Variants in TBC1D4 observed in about 807,000 individuals in gnomAD.
The protein encoded by TBC1D4 is TBC1 domain family member 4.
In TBC1D4, 121 loss-of-function variants were observed where a neutral mutation model predicts 142.5. The ratio of observed to expected loss-of-function variants is 0.85; its 90% CI spans 0.73 to 0.99. The LOEUF (loss-of-function observed/expected upper bound fraction) is 0.99, where lower values mean the gene tolerates loss of function less well. TBC1D4 is among the 50% of genes least tolerant of loss of function. The pLI is 0.00. For synonymous variants in TBC1D4, 630 were observed against 628.2 expected (o/e 1.00, Z -0.04); for missense variants, 1,475 against 1,606.6 (o/e 0.92, Z 1.40).
At chr13:75,289,279 T>C (rs1448300421) in intron 19 of TBC1D4, among the ~76,000 whole-genome samples, 169 bp from the exon 20 acceptor site, 1 of 152,140 alleles carries the variant, frequency 6.6e-6, no homozygotes, top group Non-Finnish European at 1.5e-5. Context: ...ATAAATTAGA[T>C]ATAGTTTACA....
rs532664 is a variant in TBC1D4 at position 75,286,451 on chromosome 13, T to A, written c.*341A>T. ...GATTTCACATATGTCCAAGGGAAAT[T>A]TCAGTTTACCTTTCCTTTGGTGTGG... On this transcript the variant is annotated 3_prime_UTR_variant, in exon 21 of 21. Coordinates refer to ENST00000377636, the MANE Select transcript of TBC1D4 (RefSeq NM_014832.5). 0.12 allele frequency: 23,696 copies of A among 199,582 alleles called. 5,179 individuals carry two copies. Among genetic ancestry groups the A allele is most frequent in the African/African-American group, 0.48 (20,592 of 42,738 alleles). 12.4% of individuals were successfully genotyped at this position (199,582 alleles called of 1,614,324 possible). A position where few individuals can be genotyped will look rare whatever the true frequency, so the allele number is the denominator to read the frequency against.
chr13:75,448,387 G>A (rs1367428673), intron 1 of TBC1D4, among the ~76,000 whole-genome samples: 2 of 151,980 alleles, frequency 1.3e-5, no homozygotes, highest in African/African-American at 2.4e-5. Context: ...GACCAACATG[G>A]AGAAACCCTG....
In TBC1D4 at chr13:75,288,931, T is replaced by C; in HGVS notation, c.3663+3A>G. The C allele has an allele frequency of 6.2e-7, 1 of 1,613,668 alleles. No individual in the cohort carries two copies. Among genetic ancestry groups the C allele is most frequent in the South Asian group, 1.1e-5 (1 of 91,082 alleles). ...TTATTTGCTCAAATCTTTATTTCTT[T>C]ACCTGTAATTTTTCTAGGAGGTCCA... On this transcript the variant is annotated splice_donor_region_variant and intron_variant, in intron 20 of 20. Transcript: ENST00000377636.
At chr13:75,429,547 A>G (rs1387803261) in intron 1 of TBC1D4, among the ~76,000 whole-genome samples, 1 of 152,218 alleles carries the variant, frequency 6.6e-6, no homozygotes, top group Non-Finnish European at 1.5e-5. Context: ...CCAGGCATTT[A>G]TATTGTTGTC....
chr13:75,375,230 G>A (rs1339207917), intron 1 of TBC1D4, among the ~76,000 whole-genome samples: 1 of 152,206 alleles, frequency 6.6e-6, no homozygotes, highest in African/African-American at 2.4e-5. Flanking sequence ...AATGTGGAGA[G>A]ACAGAGTCCT....
intron 7 of TBC1D4, among the ~76,000 whole-genome samples, chr13:75,338,456 A>C (rs1394945472): frequency 6.6e-6 from 1 of 152,186 alleles, no homozygotes; most frequent in Non-Finnish European, 1.5e-5. Context: ...CTCAGTAAAT[A>C]CCAGTTGAAT....
At chr13:75,419,573 A>T (rs1179624689) in intron 1 of TBC1D4, among the ~76,000 whole-genome samples, 2 of 152,212 alleles carry the variant, frequency 1.3e-5, no homozygotes, top group Non-Finnish European at 2.9e-5. Flanking sequence ...TCTAATAGAT[A>T]TATTTCTGAA....
intron 3 of TBC1D4, among the ~76,000 whole-genome samples, chr13:75,359,384 G>A (rs537744021): frequency 2.6e-5 from 4 of 151,892 alleles, no homozygotes; most frequent in African/African-American, 4.8e-5. Flanking sequence ...TACCTACTAC[G>A]GTATAAAGAG....
intron 1 of TBC1D4, among the ~76,000 whole-genome samples, chr13:75,437,130 C>T (rs1172802830): frequency 1.3e-5 from 2 of 152,096 alleles, no homozygotes; most frequent in East Asian, 1.9e-4. Context: ...CAAATGGATT[C>T]GATACAGATC....
chr13:75,303,942 T>C (rs1395656137), intron 15 of TBC1D4, among the ~76,000 whole-genome samples: 2 of 152,186 alleles, frequency 1.3e-5, no homozygotes, highest in Non-Finnish European at 2.9e-5. Flanking sequence ...GTGTCACCTT[T>C]TCTTTTGAAG....
At position 75,341,726 on chromosome 13, in the gene TBC1D4, G is replaced by C. The variant is rs893302068; in HGVS notation, c.1409-139C>G. 23 of 715,318 alleles carry C rather than the reference G, an allele frequency of 3.2e-5. No homozygotes were observed. In the African/African-American group the frequency reaches 3.5e-4, roughly 11 times the overall value. 44.3% of individuals were successfully genotyped at this position (715,318 alleles called of 1,614,324 possible). ...CAAGGAGACGTGTTCCTGCCTACAA[G>C]AAACCTTGGAATACTACATTGAAAT... On this transcript the variant is annotated intron_variant, in intron 5 of 20. Coordinates refer to ENST00000377636, the MANE Select transcript of TBC1D4 (RefSeq NM_014832.5).
intron 1 of TBC1D4, among the ~76,000 whole-genome samples, chr13:75,417,941 T>C (rs185264180): frequency 6.6e-6 from 1 of 152,216 alleles, no homozygotes; most frequent in Non-Finnish European, 1.5e-5. Flanking sequence ...GTGGTAATGA[T>C]ACTACCACCA....
At chr13:75,479,376 C>T (rs1450537957) in intron 1 of TBC1D4, among the ~76,000 whole-genome samples, 2 of 152,192 alleles carry the variant, frequency 1.3e-5, no homozygotes, top group Non-Finnish European at 2.9e-5. Flanking sequence ...ACTACCACTG[C>T]TCCCACTGGA....
chr13:75,444,307 T>C (rs1014069019), intron 1 of TBC1D4, among the ~76,000 whole-genome samples: 1 of 152,004 alleles, frequency 6.6e-6, no homozygotes, highest in African/African-American at 2.4e-5. Flanking sequence ...CTCATTGAGG[T>C]ATTTTTGTAG....
At position 75,482,136 on chromosome 13, in the gene TBC1D4, G is replaced by A. The variant is rs138065638; in HGVS notation, c.-369C>T. 0.056 allele frequency: 11,030 copies of A among 196,496 alleles called. 482 individuals carry two copies. Among genetic ancestry groups the A allele is most frequent in the Non-Finnish European group, 0.077 (7,566 of 97,914 alleles). The allele number at this position is 196,496 out of a possible 1,614,324, so 12.2% of individuals were successfully genotyped here. On this transcript the variant is annotated 5_prime_UTR_variant, in exon 1 of 21. Transcript: ENST00000377636. ...CCGCCGGCTCCAGCGCTGCAGCCCC[G>A]CTGCGGCCGCCGCGCTCGCCTGGGG...
At chr13:75,343,324 C>T (rs921075868) in intron 5 of TBC1D4, among the ~76,000 whole-genome samples, 7 of 152,204 alleles carry the variant, frequency 4.6e-5, no homozygotes, top group African/African-American at 1.7e-4. Flanking sequence ...TGCAGCCACA[C>T]GGCCACCAGG....
At chr13:75,365,590 T>G (rs1024557304) in intron 1 of TBC1D4, among the ~76,000 whole-genome samples, 1 of 152,236 alleles carries the variant, frequency 6.6e-6, no homozygotes, top group Admixed American at 6.5e-5. Flanking sequence ...TACAATATTT[T>G]GGAATCATAG....
At chr13:75,391,074 A>AC (rs1491485983) in intron 1 of TBC1D4, among the ~76,000 whole-genome samples, 22 of 107,060 alleles carry the variant, frequency 2.1e-4, no homozygotes, top group African/African-American at 7.1e-4. Flanking sequence ...ACACACACAC[A>AC]AACAACTTGT....
intron 1 of TBC1D4, among the ~76,000 whole-genome samples, chr13:75,363,465 C>T (rs913476041): frequency 9.8e-5 from 15 of 152,334 alleles, no homozygotes; most frequent in Middle Eastern, 6.8e-3. Context: ...ATCTGATTGC[C>T]TCCTTTGGAA....
Sources: allele counts gnomAD v4.1 joint callset (sites outside exome capture counted in the v4.1 genomes callset), GRCh38; gene constraint gnomAD v4.1.1; transcripts MANE v1.5; gene names NCBI Gene and HGNC (gene_info 2026-07-23, HGNC 2026-07-21).